Variants in PDE4B observed in about 807,000 individuals in gnomAD.
PDE4B encodes phosphodiesterase 4B, also known as 3',5'-cyclic-AMP phosphodiesterase 4B.
A neutral mutation model predicts 82.2 loss-of-function variants in PDE4B; 20 were observed. The observed-to-expected ratio is 0.24, with a 90% confidence interval of 0.17 to 0.35. The LOEUF (loss-of-function observed/expected upper bound fraction) is 0.35. Ranked by LOEUF, PDE4B falls within the 10% of genes least tolerant of loss-of-function variation. The probability of loss-of-function intolerance (pLI) is 1.00; values close to 1 mark genes in which losing one functional copy is unlikely to be tolerated. For missense variants in PDE4B, 655 were observed against 907.2 expected, an observed-to-expected ratio of 0.72 and a Z score of 3.57; for synonymous variants, 320 against 318.9, an observed-to-expected ratio of 1.00 and a Z score of -0.04.
At chr1:65,890,240 A>C (rs1646838783) in intron 1 of PDE4B, among the ~76,000 whole-genome samples, 1 of 151,802 alleles carries the variant, frequency 6.6e-6, no homozygotes, top group African/African-American at 2.4e-5. Flanking sequence ...TTTGCCTTAT[A>C]TTGGTTTTCA....
chr1:66,085,967 G>A (rs1656985574), intron 3 of PDE4B, among the ~76,000 whole-genome samples: 1 of 152,006 alleles, frequency 6.6e-6, no homozygotes, highest in Non-Finnish European at 1.5e-5. Flanking sequence ...AAAAGAATTG[G>A]GGAAAACGTT....
At chr1:65,804,392 C>T (rs1645730480) in intron 1 of PDE4B, among the ~76,000 whole-genome samples, 1 of 152,170 alleles carries the variant, frequency 6.6e-6, no homozygotes, top group Non-Finnish European at 1.5e-5. Context: ...GCACGTCATA[C>T]TTTGTAAATC....
intron 3 of PDE4B, among the ~76,000 whole-genome samples, chr1:66,160,418 T>C (rs983151576): frequency 9.2e-5 from 14 of 152,190 alleles, no homozygotes; most frequent in African/African-American, 2.9e-4. Flanking sequence ...GTAAATTATA[T>C]CTCCTTTCTA....
At chr1:66,371,094 C>CTATATA (rs557320202) in intron 16 of PDE4B, among the ~76,000 whole-genome samples, 3,265 of 74,508 alleles carry the variant, frequency 0.044, 177 homozygotes, top group East Asian at 0.098. Flanking sequence ...ACACATCATA[C>CTATATA]TATATATATA....
intron 3 of PDE4B, among the ~76,000 whole-genome samples, chr1:66,244,237 AG>A (rs1653119241): frequency 6.6e-6 from 1 of 152,202 alleles, no homozygotes; most frequent in African/African-American, 2.4e-5. Flanking sequence ...AACCTGCAGG[AG>A]AAAAAATATT....
intron 3 of PDE4B, among the ~76,000 whole-genome samples, chr1:66,120,077 C>G (rs974114440): frequency 6.6e-6 from 1 of 152,178 alleles, no homozygotes; most frequent in Admixed American, 6.5e-5. Context: ...TTAAGCTACT[C>G]AGTTTGTAGT....
chr1:65,923,156 AAC>A (rs1387924210), intron 3 of PDE4B, among the ~76,000 whole-genome samples: 1 of 152,178 alleles, frequency 6.6e-6, no homozygotes, highest in African/African-American at 2.4e-5. Context: ...AGGGTTTCCT[AAC>A]CAGCTGCAGC....
At chr1:66,207,909 G>A (rs544421992) in intron 3 of PDE4B, among the ~76,000 whole-genome samples, 2 of 152,158 alleles carry the variant, frequency 1.3e-5, no homozygotes, top group Non-Finnish European at 2.9e-5. Context: ...TTGATCTCAG[G>A]CTTGTTTATC....
intron 3 of PDE4B, among the ~76,000 whole-genome samples, chr1:66,176,419 T>C (rs892885891): frequency 6.6e-6 from 1 of 152,244 alleles, no homozygotes; most frequent in South Asian, 2.1e-4. Context: ...CCAATCACAG[T>C]GAATTAGTCA....
chr1:66,095,272 A>G (rs1355800756), intron 3 of PDE4B, among the ~76,000 whole-genome samples: 1 of 151,912 alleles, frequency 6.6e-6, no homozygotes, highest in Admixed American at 6.6e-5. Flanking sequence ...AACTTATTTA[A>G]GTCTCAGTTT....
chr1:65,912,409 G>A (rs1212202557), intron 1 of PDE4B, among the ~76,000 whole-genome samples: 9 of 152,004 alleles, frequency 5.9e-5, no homozygotes, highest in Non-Finnish European at 1.3e-4. Flanking sequence ...TTCCCTTTGA[G>A]TCTTCATAAA....
intron 1 of PDE4B, among the ~76,000 whole-genome samples, chr1:65,890,926 G>T (rs1454439907): frequency 6.6e-6 from 1 of 152,000 alleles, no homozygotes; most frequent in Non-Finnish European, 1.5e-5. Context: ...TCTGGGGTGA[G>T]ACTGCCTGGA....
chr1:65,833,041 G>A (rs1646100675), intron 1 of PDE4B, among the ~76,000 whole-genome samples: 1 of 152,134 alleles, frequency 6.6e-6, no homozygotes, highest in African/African-American at 2.4e-5. Flanking sequence ...TCAGGATTTG[G>A]AGCACATTTG....
intron 3 of PDE4B, among the ~76,000 whole-genome samples, chr1:66,230,398 T>C (rs945934383): frequency 1.3e-5 from 2 of 152,226 alleles, no homozygotes; most frequent in African/African-American, 4.8e-5. Context: ...ATCTTTCTTC[T>C]GTTGGCAATG....
At chr1:66,295,673 C>T (rs1466932033) in intron 7 of PDE4B, among the ~76,000 whole-genome samples, 2 of 152,140 alleles carry the variant, frequency 1.3e-5, no homozygotes, top group African/African-American at 2.4e-5. Flanking sequence ...AAGTGATCCT[C>T]CCATTTCAAA....
At chr1:66,150,212 C>A (rs1467940544) in intron 3 of PDE4B, among the ~76,000 whole-genome samples, 1 of 151,850 alleles carries the variant, frequency 6.6e-6, no homozygotes, top group Admixed American at 6.6e-5. Context: ...ATGGTGTTGG[C>A]TATTTAGGGG....
At chr1:66,201,453 T>A (rs888456200) in intron 3 of PDE4B, among the ~76,000 whole-genome samples, 2 of 152,160 alleles carry the variant, frequency 1.3e-5, no homozygotes, top group Admixed American at 6.5e-5. Context: ...CTGGTAGAAT[T>A]TGGCTGTGAA....
intron 3 of PDE4B, among the ~76,000 whole-genome samples, chr1:66,113,059 A>T (rs1432391070): frequency 6.6e-6 from 1 of 152,176 alleles, no homozygotes; most frequent in East Asian, 1.9e-4. Context: ...TGCATTTAGA[A>T]TTCTCAAGTA....
In PDE4B at chr1:65,796,680, C is replaced by T. The variant is rs570192962; in HGVS notation, c.-71+3432C>T. 1.9e-3 allele frequency among the ~76,000 whole-genome samples: 232 copies of T among 123,078 alleles called. 1 individual carries two copies. The highest frequency in any genetic ancestry group is 6.7e-3 in the African/African-American group (220 of 33,074). The allele number at this position is 123,078 out of a possible 152,430, so 80.7% of individuals were successfully genotyped here. Reference sequence around the variant, plus strand: ...TTTTTTTTTTTTTGAGACAGAGTCTCACTCTGTCACCCAGGCTGGAGTGCA... The same window carrying T: ...TTTTTTTTTTTTTGAGACAGAGTCTTACTCTGTCACCCAGGCTGGAGTGCA... On this transcript the variant is annotated intron_variant, in intron 1 of 16. Coordinates refer to ENST00000341517, the MANE Select transcript of PDE4B (RefSeq NM_002600.4).
Sources: allele counts gnomAD v4.1 joint callset (sites outside exome capture counted in the v4.1 genomes callset), GRCh38; gene constraint gnomAD v4.1.1; transcripts MANE v1.5; gene names NCBI Gene and HGNC (gene_info 2026-07-23, HGNC 2026-07-21).